GABPB1: variants seen among roughly 807,000 people sequenced by gnomAD.
GABPB1 encodes the protein GA-binding protein subunit beta-1.
In GABPB1, 15 loss-of-function variants were observed where a neutral mutation model predicts 45.9. That is an observed-to-expected ratio of 0.33 (90% CI 0.22 to 0.50). GABPB1 has a LOEUF of 0.50. GABPB1 is among the 20% of genes least tolerant of loss of function. GABPB1 has a pLI of 0.98. For synonymous variants in GABPB1, 143 were observed against 154.4 expected (o/e 0.93, Z 0.55); for missense variants, 252 against 457.5 (o/e 0.55, Z 4.10).
chr15:50,292,298 G>C (rs889736758), intron 6 of GABPB1, among the ~76,000 whole-genome samples: 6 of 124,442 alleles, frequency 4.8e-5, no homozygotes, highest in African/African-American at 9.7e-5. Flanking sequence ...CTGGGCGACA[G>C]AGTGAGACTC....
chr15:50,282,523 C>G (rs11635523), intron 8 of GABPB1: 1 of 147,056 alleles, frequency 6.8e-6, no homozygotes, highest in African/African-American at 2.9e-5. Flanking sequence ...CACTGCACTT[C>G]TGCCTGGGTG....
In GABPB1 at chr15:50,278,716, G is replaced by C; in HGVS notation, c.1068C>G (p.Leu356=). 1 of 1,613,204 alleles carries C rather than the reference G, an allele frequency of 6.2e-7. No homozygotes were observed. Among genetic ancestry groups the C allele is most frequent in the Non-Finnish European group, 8.5e-7 (1 of 1,179,622 alleles). ...CCTCTGCTTCCTGTTCTTTCTTTAG[G>C]AGCTGCTGTCGATATTTTTGTGCTT... ...NREAQKYRQQ[L]LKKEQEAEAY... Residue 356 remains leucine, a synonymous_variant, in exon 9 of 9, where the codon CTC becomes CTG. Coordinates refer to ENST00000380877, the MANE Select transcript of GABPB1 (RefSeq NM_016654.5).
chr15:50,282,158 C>T (rs924032706), intron 8 of GABPB1: 36 of 381,988 alleles, frequency 9.4e-5, no homozygotes, highest in Non-Finnish European at 1.5e-4. Flanking sequence ...TGTGATTGCA[C>T]CACTGCACTC....
At chr15:50,292,156 T>C (rs1281689987) in intron 6 of GABPB1, among the ~76,000 whole-genome samples, 1 of 149,540 alleles carries the variant, frequency 6.7e-6, no homozygotes, top group African/African-American at 2.5e-5. Context: ...CTACTGAAAA[T>C]ACAAAAAATT....
At chr15:50,336,764 A>G (rs910927058) in intron 1 of GABPB1, among the ~76,000 whole-genome samples, 4 of 150,960 alleles carry the variant, frequency 2.6e-5, no homozygotes, top group African/African-American at 4.9e-5. Flanking sequence ...ATATATCGAT[A>G]TTGGTCTATT....
At chr15:50,309,073 A>G (rs963747799) in intron 2 of GABPB1, among the ~76,000 whole-genome samples, 15 of 152,222 alleles carry the variant, frequency 9.9e-5, no homozygotes, top group African/African-American at 3.4e-4. Flanking sequence ...AAACGGCAAA[A>G]TCAAAAATCT....
chr15:50,340,381 T>C (rs1043954650), intron 1 of GABPB1, among the ~76,000 whole-genome samples: 4 of 152,144 alleles, frequency 2.6e-5, no homozygotes, highest in Non-Finnish European at 4.4e-5. Context: ...GGCAATACTT[T>C]CATATAGCTC....
At chr15:50,317,312 G>C (rs965171720) in intron 1 of GABPB1, among the ~76,000 whole-genome samples, 3 of 150,978 alleles carry the variant, frequency 2.0e-5, no homozygotes, top group African/African-American at 7.3e-5. Context: ...GGCTGAGGCA[G>C]AGAATCGCTT....
rs533695060 is a variant in GABPB1 at position 50,310,230 on chromosome 15, C to A, written c.1-432G>T. On this transcript the variant is annotated intron_variant, in intron 1 of 8. Transcript: ENST00000380877. ...GCCTCAGCCTCCCAAGTAGCTTGGA[C>A]TACAGGCATGCACCACCACACCCAG... Among the ~76,000 whole-genome samples, 14 of 152,288 alleles carry A rather than the reference C, an allele frequency of 9.2e-5. No homozygotes were observed. In the South Asian group the frequency reaches 2.3e-3, roughly 25 times the overall value.
intron 1 of GABPB1, among the ~76,000 whole-genome samples, chr15:50,318,441 G>T (rs535213125): frequency 6.6e-6 from 1 of 151,970 alleles, no homozygotes; most frequent in African/African-American, 2.4e-5. Flanking sequence ...TAAAATAAAT[G>T]ATATTTTCAA....
At chr15:50,309,564 T>G (rs2047059450) in intron 2 of GABPB1, 127 bp downstream of exon 2, 3 of 624,388 alleles carry the variant, frequency 4.8e-6, no homozygotes, top group Non-Finnish European at 8.6e-6. Flanking sequence ...AATTCTAAAA[T>G]AATAAACACA....
intron 2 of GABPB1, among the ~76,000 whole-genome samples, chr15:50,308,413 T>A (rs2047017617): frequency 6.6e-6 from 1 of 152,158 alleles, no homozygotes; most frequent in Non-Finnish European, 1.5e-5. Flanking sequence ...TGTTTTCCTC[T>A]CTCCATTTGA....
At chr15:50,282,986 C>T (rs1490321382) in intron 8 of GABPB1, among the ~76,000 whole-genome samples, 7 of 152,112 alleles carry the variant, frequency 4.6e-5, no homozygotes, top group East Asian at 1.9e-4. Flanking sequence ...ACCTAGGAGG[C>T]GGAGGTTGCA....
intron 1 of GABPB1, chr15:50,352,779 G>C (rs1159682531): frequency 1.3e-5 from 2 of 152,246 alleles, no homozygotes; most frequent in African/African-American, 4.8e-5. Flanking sequence ...TAGACTGACA[G>C]ATTCAGACTA....
intron 2 of GABPB1, among the ~76,000 whole-genome samples, chr15:50,306,903 T>C (rs936718190): frequency 1.3e-5 from 2 of 152,050 alleles, no homozygotes; most frequent in African/African-American, 4.8e-5. Flanking sequence ...GCTTACTAAT[T>C]TTCTGTGTTC....
chr15:50,324,142 T>A (rs962242530), intron 1 of GABPB1, among the ~76,000 whole-genome samples: 1 of 151,974 alleles, frequency 6.6e-6, no homozygotes, highest in Non-Finnish European at 1.5e-5. Flanking sequence ...AGGTCAAGGC[T>A]GCAGTGAGCT....
intron 1 of GABPB1, among the ~76,000 whole-genome samples, chr15:50,317,551 T>G (rs1358217652): frequency 1.3e-5 from 2 of 152,244 alleles, no homozygotes. Context: ...ATTAAAACTT[T>G]TATTTAAAAG....
chr15:50,344,018 C>T (rs1428077667), intron 1 of GABPB1, among the ~76,000 whole-genome samples: 1 of 152,224 alleles, frequency 6.6e-6, no homozygotes, highest in African/African-American at 2.4e-5. Context: ...CCACAAACGT[C>T]AGCTCCAAGA....
chr15:50,280,305 A>G (rs2045933595), intron 8 of GABPB1, among the ~76,000 whole-genome samples: 1 of 152,182 alleles, frequency 6.6e-6, no homozygotes, highest in South Asian at 2.1e-4. Flanking sequence ...GATGAGTCCA[A>G]GGTAAGCAAT....
Sources: allele counts gnomAD v4.1 joint callset (sites outside exome capture counted in the v4.1 genomes callset), GRCh38; gene constraint gnomAD v4.1.1; transcripts MANE v1.5; gene names NCBI Gene and HGNC (gene_info 2026-07-23, HGNC 2026-07-21).